ARMC2: variants seen among roughly 807,000 people sequenced by gnomAD.
ARMC2 encodes the protein armadillo repeat-containing protein 2.
In ARMC2, 67 loss-of-function variants were observed where a neutral mutation model predicts 90.3. That is an observed-to-expected ratio of 0.74 (90% confidence interval 0.61 to 0.91). The LOEUF (loss-of-function observed/expected upper bound fraction) is 0.91. Among genes scored for constraint, ARMC2 ranks in the 40% least tolerant of loss-of-function variants. The pLI is 0.00. For missense variants in ARMC2, 920 were observed against 1,030.9 expected, an observed-to-expected ratio of 0.89 and a Z score of 1.47; for synonymous variants, 393 against 393.0, an observed-to-expected ratio of 1.00 and a Z score of 0.00.
chr6:108,868,759 T>A, intron 3 of ARMC2, 65 bp from the exon 4 acceptor site: 2 of 1,506,648 alleles, frequency 1.3e-6, no homozygotes, highest in Non-Finnish European at 1.8e-6. Context: ...TGTGGCCAGC[T>A]CTGAGGTAAG....
chr6:108,987,806 CT>C, the ARMC2 span, among the ~76,000 whole-genome samples: 287 of 135,472 alleles, frequency 2.1e-3, no homozygotes, highest in Admixed American at 2.4e-3. Context: ...CAGCAGCTAT[CT>C]TTTTTTTTTT....
intron 10 of ARMC2, among the ~76,000 whole-genome samples, chr6:108,920,448 C>G (rs77812077): frequency 6.6e-6 from 1 of 152,204 alleles, no homozygotes; most frequent in Non-Finnish European, 1.5e-5. Flanking sequence ...TAACCACTCA[C>G]GTGCCCAGTT....
At chr6:109,004,957 G>C in the ARMC2 span, among the ~76,000 whole-genome samples, 1 of 152,112 alleles carries the variant, frequency 6.6e-6, no homozygotes, top group Non-Finnish European at 1.5e-5. Flanking sequence ...GTGTTTTGAA[G>C]TATGAGAAAA....
chr6:108,861,510 A>G (rs964595898), intron 3 of ARMC2, among the ~76,000 whole-genome samples: 8 of 152,234 alleles, frequency 5.3e-5, no homozygotes, highest in East Asian at 3.8e-4. Flanking sequence ...AATGACCCCA[A>G]TTGCCTCAAA....
chr6:108,902,984 A>G (rs1772303923), intron 7 of ARMC2, among the ~76,000 whole-genome samples: 1 of 152,060 alleles, frequency 6.6e-6, no homozygotes, highest in Non-Finnish European at 1.5e-5. Flanking sequence ...CCTGGGCAAA[A>G]TGGCAAAACC....
intron 12 of ARMC2, among the ~76,000 whole-genome samples, chr6:108,939,607 C>G (rs1295969069): frequency 6.6e-6 from 1 of 152,162 alleles, no homozygotes; most frequent in African/African-American, 2.4e-5. Context: ...TCCTGTACAG[C>G]CTACGGAACC....
At chr6:108,963,447 G>A (rs1489609153) in intron 15 of ARMC2, among the ~76,000 whole-genome samples, 3 of 152,278 alleles carry the variant, frequency 2.0e-5, no homozygotes, top group African/African-American at 7.2e-5. Context: ...TGTACGTGAT[G>A]TTGCCTCTGT....
the ARMC2 span, among the ~76,000 whole-genome samples, chr6:109,045,953 G>A: frequency 6.6e-6 from 1 of 152,088 alleles, no homozygotes; most frequent in Non-Finnish European, 1.5e-5. Context: ...GAACCCATAT[G>A]GGCTGAAAAA....
intron 7 of ARMC2, among the ~76,000 whole-genome samples, chr6:108,903,735 A>G (rs1772389481): frequency 1.3e-5 from 2 of 152,220 alleles, no homozygotes. Context: ...TGTTTGTTGA[A>G]TGTGGAATAG....
In ARMC2 at chr6:108,881,109, C is replaced by T. The variant is rs1020208384; in HGVS notation, c.671+4759C>T. On this transcript the variant is annotated intron_variant, in intron 5 of 17. Transcript: ENST00000392644. Reference sequence around the variant, plus strand: ...GACCTTGTGATCTGCCCACCTCAGCCTCCCAAAGTACTGAGATTACAGGCG... The same window carrying T: ...GACCTTGTGATCTGCCCACCTCAGCTTCCCAAAGTACTGAGATTACAGGCG... 3.2e-4 allele frequency among the ~76,000 whole-genome samples: 49 copies of T among 152,178 alleles called. 1 individual carries two copies. The highest frequency in any genetic ancestry group is 1.1e-3 in the African/African-American group (44 of 41,530).
In ARMC2 at chr6:108,938,780, CATTA is replaced by C. The variant is rs1461782330; in HGVS notation, c.1596+1785_1596+1788del. On this transcript the variant is annotated intron_variant, in intron 12 of 17. Transcript: ENST00000392644. ...TATAATTTTTTTAAGGAAGAAAATT[CATTA>C]ATTGAGTACTCACAAATAGTGCTAT... is the stretch of plus-strand genomic sequence containing the variant. 3.3e-5 allele frequency among the ~76,000 whole-genome samples: 5 copies of C among 151,984 alleles called. No individual in the cohort carries two copies. In the East Asian group the frequency reaches 5.8e-4, roughly 18 times the overall value.
At chr6:108,864,611 T>G (rs1562328185) in intron 3 of ARMC2, among the ~76,000 whole-genome samples, 2 of 151,928 alleles carry the variant, frequency 1.3e-5, no homozygotes, top group Non-Finnish European at 2.9e-5. Context: ...GTGTGTGTGT[T>G]TGTGTGTGTG....
chr6:108,887,007 A>C (rs9384693), intron 5 of ARMC2, among the ~76,000 whole-genome samples: 4,922 of 151,706 alleles, frequency 0.032, 213 homozygotes, highest in East Asian at 0.2. Context: ...TCCCAGGTTC[A>C]AGCAATTCTC....
chr6:108,884,400 A>G (rs1231295746), intron 5 of ARMC2, among the ~76,000 whole-genome samples: 1 of 152,222 alleles, frequency 6.6e-6, no homozygotes, highest in Non-Finnish European at 1.5e-5. Context: ...GCACTGTTCA[A>G]AGATGAACTC....
chr6:108,867,878 G>A (rs1345284289), intron 3 of ARMC2, among the ~76,000 whole-genome samples: 1 of 152,054 alleles, frequency 6.6e-6, no homozygotes, highest in African/African-American at 2.4e-5. Context: ...AGGTTGCAGT[G>A]AGCCGAGATC....
chr6:108,971,988 G>A (rs554214821), intron 17 of ARMC2, among the ~76,000 whole-genome samples: 2 of 152,134 alleles, frequency 1.3e-5, no homozygotes, highest in South Asian at 4.2e-4. Flanking sequence ...GGATTTAGTG[G>A]TTACCATTTT....
chr6:108,927,559 T>TA (rs398110538), intron 10 of ARMC2, among the ~76,000 whole-genome samples: 1 of 152,030 alleles, frequency 6.6e-6, no homozygotes, highest in Non-Finnish European at 1.5e-5. Context: ...ATTTTTTTTT[T>TA]AATAAAATAA....
At position 108,953,210 on chromosome 6, in the gene ARMC2, A is replaced by G. The variant is rs1203179922; in HGVS notation, c.1774A>G (p.Arg592Gly). Residue 592 changes from arginine (R) to glycine (G), a missense_variant, in exon 13 of 18, where the codon AGG (arginine) becomes GGG (glycine). Transcript: ENST00000392644. ...KPVGQRGEQH[R>G]AQRPPSEAED... ...GGTGGGCCAACGAGGCGAGCAGCAC[A>G]GGGCGCAGAGGCCGCCGTCAGAGGC... 3.1e-6 allele frequency: 5 copies of G among 1,613,900 alleles called. No homozygotes were observed. Among genetic ancestry groups the G allele is most frequent in the African/African-American group, 1.3e-5 (1 of 74,960 alleles).
chr6:108,863,858 G>T (rs1775534512), intron 3 of ARMC2, among the ~76,000 whole-genome samples: 1 of 152,152 alleles, frequency 6.6e-6, no homozygotes, highest in Non-Finnish European at 1.5e-5. Flanking sequence ...TCATTTCTGG[G>T]CTCAGAATCC....
Sources: allele counts gnomAD v4.1 joint callset (sites outside exome capture counted in the v4.1 genomes callset), GRCh38; gene constraint gnomAD v4.1.1; transcripts MANE v1.5; gene names NCBI Gene and HGNC (gene_info 2026-07-23, HGNC 2026-07-21).